The following MAP3K21 variants were observed in gnomAD, a reference collection of about 807,000 sequenced individuals.
MAP3K21 encodes the protein mitogen-activated protein kinase kinase kinase MLK4.
MAP3K21 carries 63 observed loss-of-function variants against 86.1 expected under a neutral mutation model. The ratio of observed to expected loss-of-function variants is 0.73; its 90% CI spans 0.60 to 0.90. MAP3K21 has a LOEUF of 0.90. Ranked by LOEUF, MAP3K21 falls within the 40% of genes least tolerant of loss-of-function variation. MAP3K21 has a pLI of 0.00. For synonymous variants in MAP3K21, 558 were observed against 564.8 expected, an observed-to-expected ratio of 0.99 and a Z score of 0.17; for missense variants, 1,220 against 1,367.7, an observed-to-expected ratio of 0.89 and a Z score of 1.70.
chr1:233,360,087 G>A (rs1209544982), intron 4 of MAP3K21, among the ~76,000 whole-genome samples: 5 of 152,098 alleles, frequency 3.3e-5, no homozygotes, highest in Non-Finnish European at 5.9e-5. Flanking sequence ...TTGCTGTTCT[G>A]ATCGCTTTCT....
chr1:233,353,823 TG>T lies in MAP3K21; in HGVS notation c.1006del (p.Glu336AsnfsTer21). 2.5e-6 allele frequency: 4 copies of T among 1,601,176 alleles called. No homozygotes were observed. The highest frequency in any genetic ancestry group is 3.4e-6 in the Non-Finnish European group (4 of 1,175,040). On this transcript the variant is annotated frameshift_variant, in exon 3 of 10. Coordinates refer to ENST00000366624, the MANE Select transcript of MAP3K21 (RefSeq NM_032435.3). LOFTEE classifies it high-confidence loss of function. The part of the protein sequence containing the change: ...SDIWSYGVLL[W>X]ELLTGEVPYR... The stretch of plus-strand genomic sequence containing the variant: ...GCTTTCTAGCTATGGAGTGCTGCTG[TG>T]GGAACTGCTCACCGGAGAAGTCCCC...
chr1:233,352,565 G>A (rs1663269788), intron 2 of MAP3K21, among the ~76,000 whole-genome samples: 1 of 151,858 alleles, frequency 6.6e-6, no homozygotes. Flanking sequence ...CGAGTTGTTG[G>A]GGCTGCAGGC....
At chr1:233,351,408 T>C (rs1333254486) in intron 2 of MAP3K21, among the ~76,000 whole-genome samples, 3 of 152,140 alleles carry the variant, frequency 2.0e-5, no homozygotes, top group Non-Finnish European at 4.4e-5. Context: ...TTAAGGGCCT[T>C]GTTAGTGGAG....
intron 5 of MAP3K21, among the ~76,000 whole-genome samples, chr1:233,371,787 G>GTGTA (rs1207637444): frequency 6.7e-6 from 1 of 150,228 alleles, no homozygotes; most frequent in East Asian, 2.0e-4. Flanking sequence ...GTGTGTGTAT[G>GTGTA]TGTGTGACTA....
chr1:233,370,911 A>G (rs1334334125), intron 5 of MAP3K21, among the ~76,000 whole-genome samples: 1 of 152,204 alleles, frequency 6.6e-6, no homozygotes, highest in Non-Finnish European at 1.5e-5. Context: ...ACCTAGTTAT[A>G]AAAATAACTC....
chr1:233,341,684 CTTTCT>C (rs1663042416), intron 1 of MAP3K21, among the ~76,000 whole-genome samples: 1 of 152,122 alleles, frequency 6.6e-6, no homozygotes, highest in South Asian at 2.1e-4. Flanking sequence ...TTAGAGCAGA[CTTTCT>C]TTGACCTTTG....
rs376751938 is a variant in MAP3K21 at position 233,381,907 on chromosome 1, G to A, written c.2705-398G>A. On this transcript the variant is annotated intron_variant, in intron 9 of 9. Transcript: ENST00000366624. Reference sequence around the variant, plus strand: ...TTTTAAACCTCTTAAATTTATTCCAGTCTAGTCCATTTTGAAAGCTACCGT... The same window carrying A: ...TTTTAAACCTCTTAAATTTATTCCAATCTAGTCCATTTTGAAAGCTACCGT... 2.0e-5 allele frequency among the ~76,000 whole-genome samples: 3 copies of A among 152,276 alleles called. No homozygotes were observed. The East Asian group carries it at 5.8e-4, about 29-fold the overall frequency.
intron 5 of MAP3K21, 38 bp from the exon 6 acceptor site, chr1:233,372,000 A>T: frequency 6.3e-7 from 1 of 1,595,328 alleles, no homozygotes; most frequent in South Asian, 1.1e-5. Context: ...ATAAAGGAAA[A>T]CCATGAAATA....
rs181759081 is a variant in MAP3K21 at position 233,349,809 on chromosome 1, C to T, written c.986+3187C>T. 2.1e-3 allele frequency among the ~76,000 whole-genome samples: 320 copies of T among 151,938 alleles called. 1 individual carries two copies. The highest frequency in any genetic ancestry group is 7.2e-3 in the African/African-American group (297 of 41,432). On this transcript the variant is annotated intron_variant, in intron 2 of 9. Coordinates refer to ENST00000366624, the MANE Select transcript of MAP3K21 (RefSeq NM_032435.3). ...AAAATTAGCTGGGTGTGGTGGTGCA[C>T]GCCTGTAGTCCCAGCTACTTGGGAG...
At position 233,372,071 on chromosome 1, in the gene MAP3K21, C is replaced by T; in HGVS notation, c.1586C>T (p.Pro529Leu). The T allele has an allele frequency of 6.2e-7, 1 of 1,614,086 alleles. No homozygotes were observed. Among genetic ancestry groups the T allele is most frequent in the South Asian group, 1.1e-5 (1 of 91,050 alleles). Residue 529 changes from proline (P) to leucine (L), a missense_variant, in exon 6 of 10, where the codon CCC becomes CTC. Pro to Leu is a moderately conservative substitution (Grantham distance 98). Coordinates refer to ENST00000366624, the MANE Select transcript of MAP3K21 (RefSeq NM_032435.3). The part of the protein sequence containing the change: ...FQHKITVQAS[P>L]NLDKRRSLNS... The stretch of plus-strand genomic sequence containing the variant: ...CACAAGATAACCGTGCAGGCCTCTC[C>T]CAACTTGGACAAACGGCGGAGCCTG...
At chr1:233,376,645 T>A in intron 8 of MAP3K21, 118 bp downstream of exon 8, 1 of 624,466 alleles carries the variant, frequency 1.6e-6, no homozygotes, top group Non-Finnish European at 2.8e-6. Flanking sequence ...GATTAGCAAG[T>A]AATGGCATTT....
intron 1 of MAP3K21, among the ~76,000 whole-genome samples, chr1:233,330,996 C>T (rs1019463774): frequency 6.6e-6 from 1 of 151,794 alleles, no homozygotes; most frequent in Non-Finnish European, 1.5e-5. Context: ...TTAAAGAACT[C>T]CTAATATTAT....
chr1:233,346,767 T>C lies in MAP3K21; in HGVS notation c.986+145T>C, dbSNP rs918114841. 3.6e-5 allele frequency: 26 copies of C among 714,606 alleles called. No individual in the cohort carries two copies. The African/African-American group carries it at 4.0e-4, about 11-fold the overall frequency. 44.3% of individuals were successfully genotyped at this position (714,606 alleles called of 1,614,324 possible). A position where few individuals can be genotyped will look rare whatever the true frequency, so the allele number is the denominator to read the frequency against. On this transcript the variant is annotated intron_variant, in intron 2 of 9. Coordinates refer to ENST00000366624, the MANE Select transcript of MAP3K21 (RefSeq NM_032435.3). The stretch of plus-strand genomic sequence containing the variant: ...ATGGTTTTGATCAAAATAATTGTAA[T>C]GACAACGGAACAGATAATTTGATGT...
chr1:233,349,487 CAG>C (rs1040725487), intron 2 of MAP3K21, among the ~76,000 whole-genome samples: 59 of 152,004 alleles, frequency 3.9e-4, no homozygotes, highest in Non-Finnish European at 6.8e-4. Flanking sequence ...CTATCATAAA[CAG>C]GGGAGAATCA....
chr1:233,351,757 C>A (rs6666141), intron 2 of MAP3K21, among the ~76,000 whole-genome samples: 71,883 of 151,058 alleles, frequency 0.48, 17,857 homozygotes, highest in East Asian at 0.59. Context: ...GTGGCTTCTA[C>A]ATTTCACATT....
At chr1:233,372,321 G>A (rs1663701179) in intron 6 of MAP3K21, 161 bp downstream of exon 6, 2 of 778,638 alleles carry the variant, frequency 2.6e-6, no homozygotes, top group Non-Finnish European at 3.8e-6. Flanking sequence ...TTGAGCATAG[G>A]TTCCTTAGTC....
At chr1:233,369,193 C>A (rs990818333) in intron 5 of MAP3K21, among the ~76,000 whole-genome samples, 1 of 128,234 alleles carries the variant, frequency 7.8e-6, no homozygotes, top group South Asian at 2.4e-4. Context: ...CTGGGCAACA[C>A]GGTGAAACCC....
At chr1:233,334,963 CTTTT>C (rs10640127) in intron 1 of MAP3K21, among the ~76,000 whole-genome samples, 2 of 146,620 alleles carry the variant, frequency 1.4e-5, no homozygotes, top group Non-Finnish European at 3.0e-5. Context: ...TTCTTTCTTT[CTTTT>C]TTTTTTTTAT....
chr1:233,347,942 G>A (rs1046336047), intron 2 of MAP3K21, among the ~76,000 whole-genome samples: 8 of 139,308 alleles, frequency 5.7e-5, no homozygotes, highest in African/African-American at 1.6e-4. Context: ...AAAATCCTGC[G>A]TTAATCATTA....
Sources: allele counts gnomAD v4.1 joint callset (sites outside exome capture counted in the v4.1 genomes callset), GRCh38; gene constraint gnomAD v4.1.1; transcripts MANE v1.5; gene names NCBI Gene and HGNC (gene_info 2026-07-23, HGNC 2026-07-21).